CRADD: variants seen among roughly 807,000 people sequenced by gnomAD.
The protein encoded by CRADD is CARD and death domain containing adaptor protein.
In CRADD, 9 loss-of-function variants were observed where a neutral mutation model predicts 15.5. The observed-to-expected ratio is 0.58, with a 90% CI of 0.35 to 1.01. CRADD has a LOEUF of 1.01. Ranked by LOEUF, CRADD falls within the 50% of genes least tolerant of loss-of-function variation. CRADD has a pLI of 0.02. For missense variants in CRADD, 227 were observed against 250.3 expected (o/e 0.91, Z 0.63); for synonymous variants, 118 against 107.6 (o/e 1.10, Z -0.60).
intron 2 of CRADD, among the ~76,000 whole-genome samples, chr12:93,690,563 TG>T (rs1314209342): frequency 6.6e-6 from 1 of 152,234 alleles, no homozygotes; most frequent in Admixed American, 6.5e-5. Flanking sequence ...GAATTTGAAT[TG>T]GGTACTGGCC....
At chr12:93,735,756 G>T (rs562240926) in intron 2 of CRADD, 75 of 152,092 alleles carry the variant, frequency 4.9e-4, no homozygotes, top group African/African-American at 1.7e-3. Context: ...AGAAAAGAAA[G>T]AAATTGGAAC....
chr12:93,888,902 G>A (rs1958556902), intron 2 of CRADD, among the ~76,000 whole-genome samples: 1 of 152,168 alleles, frequency 6.6e-6, no homozygotes, highest in Non-Finnish European at 1.5e-5. Context: ...ACCAGCTCCT[G>A]GACCACAGAA....
At chr12:93,825,084 G>T (rs7295931) in intron 2 of CRADD, among the ~76,000 whole-genome samples, 8,423 of 152,210 alleles carry the variant, frequency 0.055, 327 homozygotes, top group East Asian at 0.12. Context: ...GCTGTAAAAT[G>T]AATTAAGGGA....
chr12:93,833,586 C>A (rs1490904864), intron 2 of CRADD, among the ~76,000 whole-genome samples: 1 of 152,052 alleles, frequency 6.6e-6, no homozygotes, highest in Non-Finnish European at 1.5e-5. Context: ...ACTCAAGCGA[C>A]CCTCCCCCCT....
chr12:93,734,573 A>C (rs1956529885), intron 2 of CRADD, among the ~76,000 whole-genome samples: 1 of 152,192 alleles, frequency 6.6e-6, no homozygotes. Flanking sequence ...AAGTGCACTC[A>C]ACTGAGCTGC....
chr12:93,815,439 A>C (rs993197745), intron 2 of CRADD: 1 of 152,248 alleles, frequency 6.6e-6, no homozygotes, highest in African/African-American at 2.4e-5. Flanking sequence ...CCTTTAGTGC[A>C]ATCAAGCAGA....
At chr12:93,679,929 G>A (rs1232966037) in intron 2 of CRADD, among the ~76,000 whole-genome samples, 1 of 152,308 alleles carries the variant, frequency 6.6e-6, no homozygotes, top group South Asian at 2.1e-4. Flanking sequence ...TGTTTTTAAA[G>A]GTTATTCGTT....
intron 2 of CRADD, among the ~76,000 whole-genome samples, chr12:93,686,446 A>T (rs1206386339): frequency 2.0e-5 from 3 of 152,128 alleles, no homozygotes; most frequent in Non-Finnish European, 4.4e-5. Flanking sequence ...TGGCATAGTT[A>T]AAGCAGGAAG....
chr12:93,733,013 C>T (rs1172053463), intron 2 of CRADD, among the ~76,000 whole-genome samples: 1 of 152,140 alleles, frequency 6.6e-6, no homozygotes, highest in East Asian at 1.9e-4. Flanking sequence ...CTCTGTGCCT[C>T]AATTTTCTTC....
At chr12:93,702,102 G>T (rs1395345273) in intron 2 of CRADD, among the ~76,000 whole-genome samples, 3 of 152,114 alleles carry the variant, frequency 2.0e-5, no homozygotes, top group Admixed American at 2.0e-4. Flanking sequence ...CAGGGACTAT[G>T]CCTTGTTCAC....
chr12:93,718,094 G>A (rs538272255), intron 2 of CRADD, among the ~76,000 whole-genome samples: 9 of 152,288 alleles, frequency 5.9e-5, no homozygotes, highest in South Asian at 2.1e-4. Context: ...ACATTAAGCC[G>A]TAAAGTCAGG....
At chr12:93,871,502 T>C (rs1311273157) in intron 2 of CRADD, among the ~76,000 whole-genome samples, 1 of 152,174 alleles carries the variant, frequency 6.6e-6, no homozygotes, top group Non-Finnish European at 1.5e-5. Flanking sequence ...GTAGGTCTTA[T>C]TCATTCTTTC....
chr12:93,777,611 G>T (rs1273763588), intron 2 of CRADD, among the ~76,000 whole-genome samples: 1 of 152,152 alleles, frequency 6.6e-6, no homozygotes, highest in Non-Finnish European at 1.5e-5. Flanking sequence ...CTATATAGTG[G>T]AAGTGACTGT....
At chr12:93,809,419 C>T (rs891911830) in intron 2 of CRADD, among the ~76,000 whole-genome samples, 63 of 152,130 alleles carry the variant, frequency 4.1e-4, no homozygotes, top group African/African-American at 1.5e-3. Flanking sequence ...GGGGTTCTGG[C>T]CCCATCTTTG....
intron 2 of CRADD, among the ~76,000 whole-genome samples, chr12:93,843,384 C>CTTTTTTTTTTTTTTTTTT (rs200332416): frequency 7.4e-6 from 1 of 135,054 alleles, no homozygotes. Flanking sequence ...TCTTTTTATT[C>CTTTTTTTTTTTTTTTTTT]TTTTTTTTTT....
At chr12:93,867,115 C>T (rs1958374437) in intron 2 of CRADD, among the ~76,000 whole-genome samples, 1 of 152,062 alleles carries the variant, frequency 6.6e-6, no homozygotes, top group Non-Finnish European at 1.5e-5. Flanking sequence ...TCATAAACCC[C>T]TGCTACTTCT....
chr12:93,886,856 A>G (rs551455279), intron 2 of CRADD, among the ~76,000 whole-genome samples: 1 of 152,296 alleles, frequency 6.6e-6, no homozygotes, highest in Non-Finnish European at 1.5e-5. Context: ...CAAAGGGACC[A>G]TTTTATGGTC....
intron 2 of CRADD, among the ~76,000 whole-genome samples, chr12:93,880,276 C>CT (rs753909704): frequency 1.7e-4 from 26 of 151,492 alleles, no homozygotes; most frequent in South Asian, 4.2e-4. Flanking sequence ...GAACCAACCC[C>CT]TTTTTTTTTC....
intron 2 of CRADD, among the ~76,000 whole-genome samples, chr12:93,732,954 AC>A (rs201374325): frequency 6.6e-6 from 1 of 152,296 alleles, no homozygotes; most frequent in East Asian, 1.9e-4. Context: ...CCAGATTTGA[AC>A]ACTGGTTCTG....
Sources: allele counts gnomAD v4.1 joint callset (sites outside exome capture counted in the v4.1 genomes callset), GRCh38; gene constraint gnomAD v4.1.1; transcripts MANE v1.5; gene names NCBI Gene and HGNC (gene_info 2026-07-23, HGNC 2026-07-21).